The following CPN1 variants were observed in gnomAD, a reference collection of about 807,000 sequenced individuals.
CPN1 encodes carboxypeptidase N subunit 1, also known as carboxypeptidase N catalytic chain.
In CPN1, 37 loss-of-function variants were observed where a neutral mutation model predicts 46.4. That is an observed-to-expected ratio of 0.80 (90% CI 0.61 to 1.05). CPN1 has a LOEUF of 1.05. Ranked by LOEUF, CPN1 falls within the 50% of genes least tolerant of loss-of-function variation. The probability of loss-of-function intolerance (pLI) is 0.00; values close to 1 mark genes in which losing one functional copy is unlikely to be tolerated. For synonymous variants in CPN1, 224 were observed against 235.4 expected, an observed-to-expected ratio of 0.95 and a Z score of 0.44; for missense variants, 563 against 602.6, an observed-to-expected ratio of 0.93 and a Z score of 0.69.
intron 3 of CPN1, among the ~76,000 whole-genome samples, chr10:100,069,046 A>C (rs2041470372): frequency 6.6e-6 from 1 of 152,204 alleles, no homozygotes; most frequent in African/African-American, 2.4e-5. Flanking sequence ...ATAGCTATAA[A>C]ACAGAGATGG....
At chr10:100,066,256 A>G (rs776512336) in intron 3 of CPN1, among the ~76,000 whole-genome samples, 1 of 152,176 alleles carries the variant, frequency 6.6e-6, no homozygotes, top group Non-Finnish European at 1.5e-5. Context: ...CAGCCAAAAA[A>G]GAGAAGTTCT....
At chr10:100,061,222 A>G (rs1266008769) in intron 5 of CPN1, among the ~76,000 whole-genome samples, 1 of 152,214 alleles carries the variant, frequency 6.6e-6, no homozygotes, top group Non-Finnish European at 1.5e-5. Context: ...AGGGAGTACA[A>G]TTGGAATGTT....
intron 8 of CPN1, among the ~76,000 whole-genome samples, chr10:100,046,258 C>T (rs144818264): frequency 2.6e-5 from 4 of 152,342 alleles, no homozygotes; most frequent in Non-Finnish European, 5.9e-5. Context: ...AATGCAAGCC[C>T]GCTGCCTTCT....
Position 100,057,129 on chromosome 10 carries a change from G to C in CPN1, c.895C>G (p.His299Asp). 1 of 1,614,130 alleles carries C rather than the reference G, an allele frequency of 6.2e-7. No homozygotes were observed. The highest frequency in any genetic ancestry group is 1.1e-5 in the South Asian group (1 of 91,086). Residue 299 changes from histidine to aspartate, a missense_variant, in exon 6 of 9, where the codon CAT (histidine) becomes GAT (aspartate). His to Asp is a moderately conservative substitution (Grantham distance 81, BLOSUM62 -1). Transcript: ENST00000370418. ...AGCGTGATCTCAAAGCAGTTGGTAT[G>C]GAGATAATTAAAGTCTTGCATTCCT... The part of the protein sequence containing the change: ...SKGMQDFNYL[H>D]TNCFEITLEL...
rs562037010 is a variant in CPN1 at position 100,063,050 on chromosome 10, T to C, written c.871+564A>G. Among the ~76,000 whole-genome samples the C allele has an allele frequency of 1.2e-4, 18 of 152,304 alleles. No individual in the cohort carries two copies. The South Asian group carries it at 1.9e-3, about 16-fold the overall frequency. On this transcript the variant is annotated intron_variant, in intron 5 of 8. Transcript: ENST00000370418. The stretch of plus-strand genomic sequence containing the variant: ...AAATGACTACATTATTTTCCTCCTA[T>C]GCCCTAATCTATTGTGTAAACCACC...
intron 7 of CPN1, among the ~76,000 whole-genome samples, chr10:100,052,389 T>C (rs2041360670): frequency 6.6e-6 from 1 of 152,068 alleles, no homozygotes; most frequent in Non-Finnish European, 1.5e-5. Context: ...CTAATTTTTG[T>C]AGTTTTAGTA....
At chr10:100,056,444 C>T (rs188926344) in intron 6 of CPN1, among the ~76,000 whole-genome samples, 3 of 152,322 alleles carry the variant, frequency 2.0e-5, no homozygotes, top group Non-Finnish European at 2.9e-5. Flanking sequence ...TTATTGCTTA[C>T]TGCCTGTCTT....
At chr10:100,051,900 G>A (rs1402683726) in intron 7 of CPN1, among the ~76,000 whole-genome samples, 1 of 151,526 alleles carries the variant, frequency 6.6e-6, no homozygotes, top group Admixed American at 6.6e-5. Flanking sequence ...GGTTTAATAT[G>A]TTTTGTTTTT....
chr10:100,049,605 C>A (rs900586760), intron 7 of CPN1, among the ~76,000 whole-genome samples: 11 of 152,042 alleles, frequency 7.2e-5, no homozygotes, highest in African/African-American at 2.7e-4. Flanking sequence ...CCGGTTCTCA[C>A]TATGTTGCCC....
chr10:100,072,347 A>T (rs1292187654), intron 2 of CPN1, among the ~76,000 whole-genome samples: 1 of 151,824 alleles, frequency 6.6e-6, no homozygotes, highest in Non-Finnish European at 1.5e-5. Context: ...GGCTAATTTT[A>T]AATTATTTGT....
intron 8 of CPN1, among the ~76,000 whole-genome samples, chr10:100,044,098 G>C (rs143583892): frequency 7.0e-4 from 107 of 152,248 alleles, no homozygotes; most frequent in African/African-American, 2.6e-3. Context: ...CACTGACTAA[G>C]AGGCCTCTCT....
At chr10:100,053,984 C>T (rs982517525) in intron 7 of CPN1, among the ~76,000 whole-genome samples, 2 of 152,176 alleles carry the variant, frequency 1.3e-5, no homozygotes, top group East Asian at 1.9e-4. Context: ...CCCGATTTCA[C>T]ACCAGTATGT....
At chr10:100,075,835 A>G (rs2041510026) in intron 2 of CPN1, 76 bp downstream of exon 2, 2 of 1,396,078 alleles carry the variant, frequency 1.4e-6, no homozygotes, top group South Asian at 2.4e-5. Context: ...TGGGACAGAG[A>G]GGGAATCTTG....
intron 8 of CPN1, among the ~76,000 whole-genome samples, chr10:100,042,960 G>A (rs1222072391): frequency 1.3e-5 from 2 of 151,770 alleles, no homozygotes; most frequent in African/African-American, 4.8e-5. Context: ...CAGGTGTGGT[G>A]GTGCACACCT....
chr10:100,059,073 C>T (rs1049138495), intron 5 of CPN1, among the ~76,000 whole-genome samples: 1 of 152,052 alleles, frequency 6.6e-6, no homozygotes, highest in Non-Finnish European at 1.5e-5. Flanking sequence ...AGACCCAAAA[C>T]TATAAAACTC....
intron 4 of CPN1, 93 bp downstream of exon 4, chr10:100,065,095 G>T: frequency 7.1e-7 from 1 of 1,409,008 alleles, no homozygotes. Context: ...ATTTTCTGTG[G>T]CCTCGCACTG....
At chr10:100,079,946 C>T (rs763892647) in intron 1 of CPN1, among the ~76,000 whole-genome samples, 3 of 152,114 alleles carry the variant, frequency 2.0e-5, no homozygotes, top group Non-Finnish European at 4.4e-5. Flanking sequence ...ATTAGCCAGG[C>T]ATGGTAGTGC....
intron 8 of CPN1, among the ~76,000 whole-genome samples, chr10:100,043,886 C>T (rs2041293102): frequency 6.6e-6 from 1 of 152,042 alleles, no homozygotes; most frequent in Admixed American, 6.6e-5. Context: ...CTTCTGGCCA[C>T]AGCACGCAGA....
intron 5 of CPN1, among the ~76,000 whole-genome samples, chr10:100,062,590 A>G: frequency 7.2e-6 from 1 of 139,714 alleles, no homozygotes; most frequent in South Asian, 2.2e-4. Context: ...CGAGGCAAGT[A>G]TTCTTTCTTT....
Sources: allele counts gnomAD v4.1 joint callset (sites outside exome capture counted in the v4.1 genomes callset), GRCh38; gene constraint gnomAD v4.1.1; transcripts MANE v1.5; gene names NCBI Gene and HGNC (gene_info 2026-07-23, HGNC 2026-07-21).